UNC13B: variants seen among roughly 807,000 people sequenced by gnomAD.
UNC13B encodes the protein unc-13 homolog B.
In UNC13B, 144 loss-of-function variants were observed where a neutral mutation model predicts 211.0. The observed-to-expected ratio is 0.68, with a 90% CI of 0.60 to 0.78. UNC13B has a LOEUF of 0.78. Among genes scored for constraint, UNC13B ranks in the 30% least tolerant of loss-of-function variants. The pLI, the probability that UNC13B is intolerant of heterozygous loss-of-function variation, is 0.00. For missense variants in UNC13B, 1,777 were observed against 2,002.0 expected (o/e 0.89, Z 2.14); for synonymous variants, 709 against 725.8 (o/e 0.98, Z 0.37).
At chr9:35,311,618 G>A (rs1460746228) in intron 10 of UNC13B, among the ~76,000 whole-genome samples, 3 of 152,198 alleles carry the variant, frequency 2.0e-5, no homozygotes, top group Non-Finnish European at 2.9e-5. Context: ...AAATCAGCCT[G>A]AAAATACCAG....
intron 11 of UNC13B, among the ~76,000 whole-genome samples, chr9:35,342,832 A>G (rs760066059): frequency 2.0e-5 from 3 of 152,226 alleles, no homozygotes; most frequent in Non-Finnish European, 2.9e-5. Context: ...CATGTACTCA[A>G]GTAACCTTTC....
intron 7 of UNC13B, among the ~76,000 whole-genome samples, chr9:35,281,643 T>C (rs958761999): frequency 4.6e-5 from 7 of 152,234 alleles, no homozygotes; most frequent in Non-Finnish European, 7.3e-5. Context: ...TGGTTCTCTC[T>C]TTGTATTGTA....
chr9:35,388,179 G>C (rs1320737903), intron 24 of UNC13B, among the ~76,000 whole-genome samples: 4 of 152,146 alleles, frequency 2.6e-5, no homozygotes, highest in South Asian at 2.1e-4. Context: ...AAGCCGGGGC[G>C]GGTGGATCAC....
At chr9:35,381,750 C>G in intron 20 of UNC13B, 31 bp downstream of exon 20, 1 of 1,606,276 alleles carries the variant, frequency 6.2e-7, no homozygotes, top group Non-Finnish European at 8.5e-7. Flanking sequence ...CGGGAAGTGG[C>G]TACTAATCAC....
chr9:35,268,256 G>T (rs774950185), intron 7 of UNC13B, among the ~76,000 whole-genome samples: 3 of 152,148 alleles, frequency 2.0e-5, no homozygotes, highest in African/African-American at 4.8e-5. Flanking sequence ...CTCTCCCAAA[G>T]GTTGCTGGGT....
intron 11 of UNC13B, chr9:35,341,871 C>G (rs1832017896): frequency 1.1e-6 from 1 of 944,888 alleles, no homozygotes; most frequent in African/African-American, 1.8e-5. Flanking sequence ...GCAGCAGGAG[C>G]AGGAGCTGCC....
intron 5 of UNC13B, among the ~76,000 whole-genome samples, chr9:35,239,733 A>G (rs188436999): frequency 1.2e-4 from 19 of 152,296 alleles, no homozygotes; most frequent in Non-Finnish European, 2.4e-4. Flanking sequence ...CCCCTTAGGG[A>G]CACATTCTCT....
intron 5 of UNC13B, among the ~76,000 whole-genome samples, chr9:35,239,481 G>A (rs777192558): frequency 1.3e-5 from 2 of 152,154 alleles, no homozygotes; most frequent in Admixed American, 6.6e-5. Flanking sequence ...GAGGCAGAGC[G>A]AGATCACAGG....
intron 6 of UNC13B, among the ~76,000 whole-genome samples, chr9:35,258,402 T>C (rs751675966): frequency 1.3e-5 from 2 of 152,200 alleles, no homozygotes; most frequent in Non-Finnish European, 2.9e-5. Context: ...CATTGTCTTA[T>C]GTCTTCAGTA....
Position 35,310,453 on chromosome 9 carries a change from T to G in UNC13B, c.9009-14T>G, listed in dbSNP as rs774731695. 2.7e-5 allele frequency: 44 copies of G among 1,610,306 alleles called. 1 individual carries two copies. Among genetic ancestry groups the G allele is most frequent in the Non-Finnish European group, 1.7e-6 (2 of 1,177,148 alleles). On this transcript the variant is annotated splice_polypyrimidine_tract_variant and intron_variant, in intron 9 of 39. Transcript: ENST00000635942. ...GCATTTATTTACTTATCTGTCTTTCTGTCATTCTCACAGCCCCACCAGCAG... is the reference window on the plus strand; with the variant it reads ...GCATTTATTTACTTATCTGTCTTTCGGTCATTCTCACAGCCCCACCAGCAG...
intron 11 of UNC13B, among the ~76,000 whole-genome samples, chr9:35,330,903 C>A (rs916192892): frequency 1.3e-5 from 2 of 152,142 alleles, no homozygotes; most frequent in African/African-American, 4.8e-5. Flanking sequence ...ATGTCATCAA[C>A]CTGTCCAGAG....
intron 1 of UNC13B, among the ~76,000 whole-genome samples, chr9:35,164,116 A>G (rs1820912116): frequency 6.6e-6 from 1 of 152,166 alleles, no homozygotes; most frequent in Non-Finnish European, 1.5e-5. Context: ...TCCTGGGTTC[A>G]AGTGATTCTC....
In UNC13B at chr9:35,306,948, A is replaced by G. The variant is rs569611557; in HGVS notation, c.7544A>G (p.Lys2515Arg). ...PLKGELFGIF[K>R]SPKPEPYKQE... ...AAAGGTGAATTATTTGGAATTTTCA[A>G]AAGTCCCAAGCCAGAGCCATACAAA... Residue 2515 changes from lysine to arginine, a missense_variant, in exon 9 of 40, where the codon AAA (lysine) becomes AGA (arginine). Coordinates refer to ENST00000635942, the MANE Select transcript of UNC13B (RefSeq NM_001371189.2). 1.0e-5 allele frequency: 4 copies of G among 399,000 alleles called. No homozygotes were observed. Among genetic ancestry groups the G allele is most frequent in the Admixed American group, 4.4e-5 (1 of 22,724 alleles). The allele number at this position is 399,000 out of a possible 1,614,324, so 24.7% of individuals were successfully genotyped here.
chr9:35,212,913 A>G (rs1461475538), intron 1 of UNC13B, among the ~76,000 whole-genome samples: 1 of 152,166 alleles, frequency 6.6e-6, no homozygotes, highest in Non-Finnish European at 1.5e-5. Flanking sequence ...ATGCCATTAC[A>G]TACACCTAGA....
chr9:35,248,717 G>A (rs1826259274), intron 6 of UNC13B, among the ~76,000 whole-genome samples: 1 of 152,198 alleles, frequency 6.6e-6, no homozygotes. Context: ...TGTGGTCTGA[G>A]AGACAGTTTG....
At chr9:35,403,020 T>G in intron 37 of UNC13B, 147 bp from the exon 38 acceptor site, 1 of 614,972 alleles carries the variant, frequency 1.6e-6, no homozygotes, top group Non-Finnish European at 2.9e-6. Flanking sequence ...CTTTATCCCA[T>G]TTCTTTCCCT....
intron 11 of UNC13B, among the ~76,000 whole-genome samples, chr9:35,350,366 C>T (rs1026745903): frequency 1.3e-5 from 2 of 152,194 alleles, no homozygotes; most frequent in Non-Finnish European, 2.9e-5. Flanking sequence ...GTGATATTCT[C>T]TCTGGGCCAG....
chr9:35,398,764 G>T, intron 32 of UNC13B, 118 bp from the exon 33 acceptor site: 1 of 1,561,486 alleles, frequency 6.4e-7, no homozygotes, highest in South Asian at 1.2e-5. Flanking sequence ...TACTCCTGCT[G>T]ACTGTCCCTG....
At chr9:35,178,189 A>G (rs966284264) in intron 1 of UNC13B, among the ~76,000 whole-genome samples, 1 of 152,198 alleles carries the variant, frequency 6.6e-6, no homozygotes, top group African/African-American at 2.4e-5. Context: ...AGATTGTAAG[A>G]GGCATCATTA....
Sources: gnomAD v4.1 joint callset for allele counts (sites outside exome capture counted in the v4.1 genomes callset) on GRCh38, gnomAD v4.1.1 for gene constraint, MANE v1.5 for transcripts, NCBI Gene and HGNC (gene_info 2026-07-23, HGNC 2026-07-21) for gene names.